MLLT3: variants seen among roughly 807,000 people sequenced by gnomAD.
MLLT3 encodes MLLT3 super elongation complex subunit.
MLLT3 carries 4 observed loss-of-function variants against 53.2 expected under a neutral mutation model. The observed-to-expected ratio is 0.08, with a 90% CI of 0.04 to 0.17. MLLT3 has a LOEUF of 0.17. Among genes scored for constraint, MLLT3 ranks in the 10% least tolerant of loss-of-function variants. The pLI, the probability that MLLT3 is intolerant of heterozygous loss-of-function variation, is 1.00. For synonymous variants in MLLT3, 283 were observed against 230.6 expected (o/e 1.23, Z -2.06); for missense variants, 569 against 684.0 (o/e 0.83, Z 1.87).
At chr9:20,445,674 G>A (rs1338667017) in intron 4 of MLLT3, among the ~76,000 whole-genome samples, 1 of 152,136 alleles carries the variant, frequency 6.6e-6, no homozygotes, top group Non-Finnish European at 1.5e-5. Context: ...TAATAAAAGA[G>A]AAGGAACCAT....
chr9:20,392,352 G>A lies in MLLT3; in HGVS notation c.1125+21369C>T, dbSNP rs184322473. Among the ~76,000 whole-genome samples the A allele has an allele frequency of 7.1e-4, 108 of 152,178 alleles. 1 individual carries two copies. The Middle Eastern group carries it at 0.01, about 14-fold the overall frequency. ...ACATAAGGCCCAGATGCAGTCTGAC[G>A]GGAGAAGATGATAGAACTGTAATTT... On this transcript the variant is annotated intron_variant, in intron 5 of 10. Coordinates refer to ENST00000380338, the MANE Select transcript of MLLT3 (RefSeq NM_004529.4).
rs75589805 is a variant in MLLT3, at chr9:20,343,979, C to T, written c.*2464G>A. The T allele has an allele frequency of 1.9e-4, 38 of 202,482 alleles. No homozygotes were observed. The East Asian group carries it at 2.6e-3, about 14-fold the overall frequency. The allele number at this position is 202,482 out of a possible 1,614,324, so 12.5% of individuals were successfully genotyped here. On this transcript the variant is annotated 3_prime_UTR_variant, in exon 11 of 11. Transcript: ENST00000380338. Reference sequence around the variant, plus strand: ...AAGATTACCACTTCAAAAAAAATAACGTAACTCTCAGTCTTAATTTTGTGA... The same window carrying T: ...AAGATTACCACTTCAAAAAAAATAATGTAACTCTCAGTCTTAATTTTGTGA...
chr9:20,530,433 G>A (rs140481866), intron 2 of MLLT3, among the ~76,000 whole-genome samples: 1,651 of 152,226 alleles, frequency 0.011, 45 homozygotes, highest in African/African-American at 0.038. Context: ...AAACTTCAAA[G>A]CCAAGTCACC....
chr9:20,554,249 C>G (rs1818999986), intron 2 of MLLT3, among the ~76,000 whole-genome samples: 1 of 152,126 alleles, frequency 6.6e-6, no homozygotes, highest in African/African-American at 2.4e-5. Context: ...GTACTGCTTT[C>G]ATTTCACCTT....
At chr9:20,350,255 A>G (rs150960859) in intron 10 of MLLT3, among the ~76,000 whole-genome samples, 2 of 152,278 alleles carry the variant, frequency 1.3e-5, no homozygotes, top group East Asian at 3.9e-4. Context: ...GCAATAATTA[A>G]CGTCTGTCCA....
chr9:20,506,673 A>G (rs1423785249), intron 2 of MLLT3, among the ~76,000 whole-genome samples: 1 of 152,176 alleles, frequency 6.6e-6, no homozygotes, highest in Non-Finnish European at 1.5e-5. Flanking sequence ...TTATTTTTCC[A>G]TATCACTTTT....
At chr9:20,530,755 C>G (rs1818312291) in intron 2 of MLLT3, among the ~76,000 whole-genome samples, 1 of 151,732 alleles carries the variant, frequency 6.6e-6, no homozygotes, top group African/African-American at 2.4e-5. Context: ...CCTCAGCCTT[C>G]CAAGTAGCTG....
At chr9:20,513,236 C>T (rs931872399) in intron 2 of MLLT3, among the ~76,000 whole-genome samples, 1 of 152,156 alleles carries the variant, frequency 6.6e-6, no homozygotes, top group Non-Finnish European at 1.5e-5. Context: ...TGGCAGGTAC[C>T]CTTGTGGCCC....
chr9:20,383,787 T>C (rs919439179), intron 5 of MLLT3, among the ~76,000 whole-genome samples: 2 of 151,986 alleles, frequency 1.3e-5, no homozygotes, highest in East Asian at 3.8e-4. Context: ...CAAAATTTAT[T>C]TTCTCTGAAA....
chr9:20,506,396 C>G (rs1225937308), intron 2 of MLLT3, among the ~76,000 whole-genome samples: 1 of 152,166 alleles, frequency 6.6e-6, no homozygotes, highest in East Asian at 1.9e-4. Context: ...GGTTAGACTG[C>G]TGGCTCTCCC....
intron 4 of MLLT3, among the ~76,000 whole-genome samples, chr9:20,429,930 G>T (rs1823225706): frequency 6.6e-6 from 1 of 152,042 alleles, no homozygotes; most frequent in African/African-American, 2.4e-5. Flanking sequence ...GCACTGGGGG[G>T]AAAAGGATAG....
In MLLT3 at chr9:20,344,744, A is replaced by G. The variant is rs969441839; in HGVS notation, c.*1699T>C. The stretch of plus-strand genomic sequence containing the variant: ...AATCCCCTTTTTAAAATGCAGAAAT[A>G]ACTCCATTATCAATCTGCATTTATA... On this transcript the variant is annotated 3_prime_UTR_variant, in exon 11 of 11. Transcript: ENST00000380338. 4.8e-6 allele frequency: 1 copy of G among 206,386 alleles called. No individual in the cohort carries two copies. The highest frequency in any genetic ancestry group is 9.9e-6 in the Non-Finnish European group (1 of 101,026). The allele number at this position is 206,386 out of a possible 1,614,324, so 12.8% of individuals were successfully genotyped here.
rs779144029 is a variant in MLLT3, at chr9:20,414,095, T to A, written c.751A>T (p.Met251Leu). The change falls in exon 5 of 11, where the codon ATG becomes TTG. Residue 251 changes from methionine (M) to leucine (L), a missense_variant. By Grantham distance (15) the Met-to-Leu change is conservative (BLOSUM62 2). Coordinates refer to ENST00000380338, the MANE Select transcript of MLLT3 (RefSeq NM_004529.4). ...ATGGGTTTAGGTTCCTTGAAGGCCATCTTAGGAACTATTTTCTCTTCTTTC... is the reference window on the plus strand; with the variant it reads ...ATGGGTTTAGGTTCCTTGAAGGCCAACTTAGGAACTATTTTCTCTTCTTTC... The part of the protein sequence containing the change: ...PLKEEKIVPK[M>L]AFKEPKPMSK... 1.2e-6 allele frequency: 2 copies of A among 1,613,712 alleles called. No individual in the cohort carries two copies. The highest frequency in any genetic ancestry group is 1.7e-6 in the Non-Finnish European group (2 of 1,179,926).
intron 4 of MLLT3, among the ~76,000 whole-genome samples, chr9:20,437,403 T>C (rs1823431998): frequency 6.6e-6 from 1 of 152,082 alleles, no homozygotes; most frequent in Non-Finnish European, 1.5e-5. Flanking sequence ...TAAGTGTACG[T>C]ATATAAGCCA....
chr9:20,513,001 C>A (rs931903488), intron 2 of MLLT3, among the ~76,000 whole-genome samples: 2 of 152,246 alleles, frequency 1.3e-5, no homozygotes, highest in African/African-American at 4.8e-5. Flanking sequence ...ATATTAAGAA[C>A]TGTAAGTGAG....
intron 5 of MLLT3, among the ~76,000 whole-genome samples, chr9:20,396,759 G>A (rs540431563): frequency 2.0e-4 from 30 of 152,220 alleles, no homozygotes; most frequent in African/African-American, 7.0e-4. Context: ...AGTGAGGTAT[G>A]TATGACACTG....
intron 2 of MLLT3, among the ~76,000 whole-genome samples, chr9:20,513,921 G>C (rs1049894341): frequency 5.3e-5 from 8 of 152,232 alleles, no homozygotes; most frequent in Non-Finnish European, 8.8e-5. Flanking sequence ...ATAAGTGTAA[G>C]TCTGAGGGGT....
rs145493433 is a variant in MLLT3 at position 20,345,751 on chromosome 9, A to G, written c.*692T>C. On this transcript the variant is annotated 3_prime_UTR_variant, in exon 11 of 11. Coordinates refer to ENST00000380338, the MANE Select transcript of MLLT3 (RefSeq NM_004529.4). Reference sequence around the variant, plus strand: ...GGATACAGCCAAGGACTGGGCCCCAACTTTCAGGAAAAAGACCACAAAGAA... The same window carrying G: ...GGATACAGCCAAGGACTGGGCCCCAGCTTTCAGGAAAAAGACCACAAAGAA... The G allele has an allele frequency of 9.1e-6, 2 of 220,254 alleles. No individual in the cohort carries two copies. The highest frequency in any genetic ancestry group is 6.6e-5 in the East Asian group (1 of 15,072). The allele number at this position is 220,254 out of a possible 1,614,324, so 13.6% of individuals were successfully genotyped here. A position where few individuals can be genotyped will look rare whatever the true frequency, so the allele number is the denominator to read the frequency against.
At chr9:20,351,974 C>T (rs1005449235) in intron 10 of MLLT3, among the ~76,000 whole-genome samples, 1 of 152,220 alleles carries the variant, frequency 6.6e-6, no homozygotes, top group Non-Finnish European at 1.5e-5. Flanking sequence ...ATGCTGTGTG[C>T]CCTGGAGTGC....
Sources: gnomAD v4.1 joint callset for allele counts (sites outside exome capture counted in the v4.1 genomes callset) on GRCh38, gnomAD v4.1.1 for gene constraint, MANE v1.5 for transcripts, NCBI Gene and HGNC (gene_info 2026-07-23, HGNC 2026-07-21) for gene names.